The following TGFBR2 variants were observed in gnomAD, a reference collection of about 807,000 sequenced individuals.
TGFBR2 encodes transforming growth factor beta receptor 2.
TGFBR2 carries 18 observed loss-of-function variants against 49.0 expected under a neutral mutation model. The observed-to-expected ratio is 0.37, with a 90% confidence interval of 0.25 to 0.54. TGFBR2 has a LOEUF of 0.54. TGFBR2 is among the 20% of genes least tolerant of loss of function. The pLI, the probability that TGFBR2 is intolerant of heterozygous loss-of-function variation, is 0.85. For missense variants in TGFBR2, 525 were observed against 722.6 expected (o/e 0.73, Z 3.13); for synonymous variants, 282 against 275.9 (o/e 1.02, Z -0.22).
chr3:30,620,839 G>A (rs1698217969), intron 1 of TGFBR2, among the ~76,000 whole-genome samples: 1 of 152,158 alleles, frequency 6.6e-6, no homozygotes, highest in Admixed American at 6.5e-5. Flanking sequence ...AAGAGTGCCT[G>A]AAGATACTCT....
chr3:30,693,727 G>A lies in TGFBR2; in HGVS notation c.*2128G>A. 1 of 233,670 alleles carries A rather than the reference G, an allele frequency of 4.3e-6. No homozygotes were observed. The highest frequency in any genetic ancestry group is 5.6e-5 in the Admixed American group (1 of 17,780). 14.5% of individuals were successfully genotyped at this position (233,670 alleles called of 1,614,324 possible). ...ATTGACCTCTAGTGGTGAGTTTCTA[G>A]AATACTGGTCCATTCATGAGATATT... On this transcript the variant is annotated 3_prime_UTR_variant, in exon 7 of 7. Coordinates refer to ENST00000295754, the MANE Select transcript of TGFBR2 (RefSeq NM_003242.6).
chr3:30,622,338 A>C (rs961047193), intron 1 of TGFBR2, among the ~76,000 whole-genome samples: 54 of 152,170 alleles, frequency 3.5e-4, no homozygotes, highest in African/African-American at 1.3e-3. Flanking sequence ...TCAGCAGTTC[A>C]AGATTGTGTT....
intron 1 of TGFBR2, among the ~76,000 whole-genome samples, chr3:30,613,879 T>G (rs1698079596): frequency 6.6e-6 from 1 of 152,234 alleles, no homozygotes; most frequent in Non-Finnish European, 1.5e-5. Context: ...CTCACTTGCC[T>G]TGGGCCTTCC....
chr3:30,646,294 A>G (rs1698739516), intron 2 of TGFBR2, among the ~76,000 whole-genome samples: 2 of 152,242 alleles, frequency 1.3e-5, no homozygotes, highest in Admixed American at 6.5e-5. Flanking sequence ...ACTTGCCAAT[A>G]TGATATGATA....
intron 3 of TGFBR2, among the ~76,000 whole-genome samples, chr3:30,651,779 C>T (rs9811309): frequency 0.03 from 4,534 of 152,296 alleles, 241 homozygotes; most frequent in African/African-American, 0.1. Context: ...AAACTATTCT[C>T]CTCCTGAAAA....
intron 5 of TGFBR2, among the ~76,000 whole-genome samples, chr3:30,683,009 G>C (rs973005083): frequency 2.0e-5 from 3 of 152,174 alleles, no homozygotes; most frequent in Non-Finnish European, 2.9e-5. Flanking sequence ...AAAAGGCAAA[G>C]GCAAATTTCT....
chr3:30,615,124 C>T (rs559688510), intron 1 of TGFBR2, among the ~76,000 whole-genome samples: 4 of 152,252 alleles, frequency 2.6e-5, no homozygotes, highest in Admixed American at 2.6e-4. Context: ...ATTATGCCAT[C>T]AGGAAGTTTA....
chr3:30,608,323 G>A (rs1395103478), intron 1 of TGFBR2, among the ~76,000 whole-genome samples: 1 of 152,202 alleles, frequency 6.6e-6, no homozygotes, highest in Non-Finnish European at 1.5e-5. Context: ...AAGTCATAGA[G>A]CTTTTTCTGG....
chr3:30,662,680 A>T (rs200647708), intron 3 of TGFBR2, among the ~76,000 whole-genome samples: 1 of 152,242 alleles, frequency 6.6e-6, no homozygotes, highest in South Asian at 2.1e-4. Flanking sequence ...TTTTACTAGG[A>T]TGATGGATGG....
chr3:30,645,994 A>C (rs1310337747), intron 2 of TGFBR2, among the ~76,000 whole-genome samples: 1 of 152,240 alleles, frequency 6.6e-6, no homozygotes, highest in Non-Finnish European at 1.5e-5. Flanking sequence ...ACAAAAGTAC[A>C]TAAATTCATT....
intron 5 of TGFBR2, among the ~76,000 whole-genome samples, chr3:30,684,706 C>T (rs540680132): frequency 6.7e-6 from 1 of 150,156 alleles, no homozygotes; most frequent in African/African-American, 2.5e-5. Flanking sequence ...GGCCTTGTAT[C>T]CCTTGGGAAT....
upstream of TGFBR2, chr3:30,606,507 G>A: frequency 3.9e-6 from 1 of 254,742 alleles, no homozygotes; most frequent in Non-Finnish European, 7.6e-6. Context: ...GTCGAGGAGA[G>A]GGAGAAGGCT....
At chr3:30,678,543 G>A (rs1026868853) in intron 5 of TGFBR2, among the ~76,000 whole-genome samples, 10 of 50,620 alleles carry the variant, frequency 2.0e-4, no homozygotes, top group East Asian at 4.5e-4. Flanking sequence ...GCAAGACTGC[G>A]TCTAAAAAAA....
intron 3 of TGFBR2, among the ~76,000 whole-genome samples, chr3:30,661,913 G>A (rs1699140698): frequency 6.6e-6 from 1 of 152,180 alleles, no homozygotes. Flanking sequence ...GCTATATGCT[G>A]GGCAGGCTGA....
At position 30,606,857 on chromosome 3, in the gene TGFBR2, G is replaced by A; in HGVS notation, c.-27G>A. ...GCGCCGTCCGCTGCGCTGGGGGCTC[G>A]GTCTATGACGAGCAGCGGGGTCTGC... On this transcript the variant is annotated 5_prime_UTR_variant, in exon 1 of 7. Transcript: ENST00000295754. 1.4e-6 allele frequency: 2 copies of A among 1,401,806 alleles called. No homozygotes were observed. Among genetic ancestry groups the A allele is most frequent in the South Asian group, 3.1e-5 (2 of 65,454 alleles). The allele number at this position is 1,401,806 out of a possible 1,614,324, so 86.8% of individuals were successfully genotyped here.
intron 1 of TGFBR2, among the ~76,000 whole-genome samples, chr3:30,640,192 G>A (rs531392145): frequency 1.3e-5 from 2 of 152,142 alleles, no homozygotes; most frequent in African/African-American, 2.4e-5. Flanking sequence ...GAAATATTAT[G>A]GGCCATGTGA....
intron 1 of TGFBR2, among the ~76,000 whole-genome samples, chr3:30,619,586 A>G (rs1449769046): frequency 6.6e-6 from 1 of 151,860 alleles, no homozygotes; most frequent in Non-Finnish European, 1.5e-5. Flanking sequence ...TCCACCCTTC[A>G]CATCCCTCAT....
Position 30,606,901 on chromosome 3 carries a change from C to T in TGFBR2, c.18C>T (p.Leu6=), listed in dbSNP as rs769118438. The change falls in exon 1 of 7, where the codon CTC becomes CTT. Residue 6 remains leucine (L), a synonymous_variant. Coordinates refer to ENST00000295754, the MANE Select transcript of TGFBR2 (RefSeq NM_003242.6). ...GGTCTGCCATGGGTCGGGGGCTGCT[C>T]AGGGGCCTGTGGCCGCTGCACATCG... MGRGL[L]RGLWPLHIVL... is the part of the protein sequence containing the mutation. 27 of 1,589,392 alleles carry T rather than the reference C, an allele frequency of 1.7e-5. No individual in the cohort carries two copies. Among genetic ancestry groups the T allele is most frequent in the African/African-American group, 2.7e-5 (2 of 74,210 alleles).
At chr3:30,609,293 G>A (rs1409383537) in intron 1 of TGFBR2, among the ~76,000 whole-genome samples, 1 of 152,206 alleles carries the variant, frequency 6.6e-6, no homozygotes, top group East Asian at 1.9e-4. Context: ...AATTTTTCAT[G>A]TAAGTAAATA....
Sources: allele counts gnomAD v4.1 joint callset (sites outside exome capture counted in the v4.1 genomes callset), GRCh38; gene constraint gnomAD v4.1.1; transcripts MANE v1.5; gene names NCBI Gene and HGNC (gene_info 2026-07-23, HGNC 2026-07-21).